Variants in SAMMSON observed in about 807,000 individuals in gnomAD.
SAMMSON encodes long intergenic non-protein coding RNA 1212.
At chr3:70,167,468 A>T (rs946806415) in intron 4 of SAMMSON, among the ~76,000 whole-genome samples, 1 of 152,032 alleles carries the variant, frequency 6.6e-6, no homozygotes, top group Non-Finnish European at 1.5e-5. Context: ...GTAACATAAT[A>T]TATATTTTCA....
intron 4 of SAMMSON, among the ~76,000 whole-genome samples, chr3:70,197,966 A>G (rs1208919553): frequency 6.6e-6 from 1 of 152,130 alleles, no homozygotes; most frequent in Non-Finnish European, 1.5e-5. Flanking sequence ...TTTCTAGCCA[A>G]ACAGCTGTGA....
chr3:70,012,344 G>C (rs1362924484), intron 1 of SAMMSON: 1 of 149,492 alleles, frequency 6.7e-6, no homozygotes, highest in African/African-American at 2.5e-5. Flanking sequence ...TTTTTTTTTT[G>C]TTGATTATCC....
intron 2 of SAMMSON, among the ~76,000 whole-genome samples, chr3:70,429,978 C>T (rs1701401024): frequency 6.6e-6 from 1 of 152,140 alleles, no homozygotes; most frequent in South Asian, 2.1e-4. Context: ...TGCCTGATTG[C>T]CCTGGCCAGA....
intron 3 of SAMMSON, among the ~76,000 whole-genome samples, chr3:70,029,762 A>T (rs1275721404): frequency 6.6e-6 from 1 of 152,090 alleles, no homozygotes; most frequent in African/African-American, 2.4e-5. Flanking sequence ...CAAAAAAAAA[A>T]AAAAAAAGCC....
At chr3:70,041,910 C>A (rs2067107760) in intron 3 of SAMMSON, among the ~76,000 whole-genome samples, 1 of 152,000 alleles carries the variant, frequency 6.6e-6, no homozygotes, top group African/African-American at 2.4e-5. Flanking sequence ...ATAGGATGAA[C>A]AAAAATTGTT....
At chr3:70,111,804 T>C (rs2067390641) in intron 4 of SAMMSON, among the ~76,000 whole-genome samples, 1 of 151,880 alleles carries the variant, frequency 6.6e-6, no homozygotes, top group African/African-American at 2.4e-5. Context: ...AATGGATAGG[T>C]CAAATAGCAG....
rs540750080 is a variant in SAMMSON, at chr3:70,124,746, C to T, written n.507+53181C>T. Among the ~76,000 whole-genome samples, 20 of 128,538 alleles carry T rather than the reference C, an allele frequency of 1.6e-4. No individual in the cohort carries two copies. The East Asian group carries it at 5.2e-3, about 34-fold the overall frequency. 84.3% of individuals were successfully genotyped at this position (128,538 alleles called of 152,430 possible). A position where few individuals can be genotyped will look rare whatever the true frequency, so the allele number is the denominator to read the frequency against. The stretch of plus-strand genomic sequence containing the variant: ...AGGAGAATGGCGTGAACCCGGGAGG[C>T]AGAGCTTGCAGTGAGTCAAGATCGT... On this transcript the variant is annotated intron_variant and non_coding_transcript_variant, in intron 4 of 9. Transcript: ENST00000642114.
rs531194288 is a variant in SAMMSON at position 70,102,504 on chromosome 3, T to C, written n.507+30939T>C. Among the ~76,000 whole-genome samples, 11 of 152,306 alleles carry C rather than the reference T, an allele frequency of 7.2e-5. No homozygotes were observed. The East Asian group carries it at 1.3e-3, about 19-fold the overall frequency. On this transcript the variant is annotated intron_variant and non_coding_transcript_variant, in intron 4 of 9. Coordinates refer to ENST00000642114, the Ensembl canonical transcript of SAMMSON. Reference sequence around the variant, plus strand: ...ACTTCGTAGTTGAATGGAAAGACCATTGGAGGAGCATCTCTAGTCTCCAGT... The same window carrying C: ...ACTTCGTAGTTGAATGGAAAGACCACTGGAGGAGCATCTCTAGTCTCCAGT...
chr3:70,408,125 C>A (rs1186417133), intron 2 of SAMMSON, among the ~76,000 whole-genome samples: 5 of 152,194 alleles, frequency 3.3e-5, no homozygotes, highest in Non-Finnish European at 7.3e-5. Flanking sequence ...GCACCAAGTC[C>A]CTAGGCTGCA....
At chr3:70,400,607 C>T (rs1399127318) in intron 2 of SAMMSON, among the ~76,000 whole-genome samples, 1 of 152,106 alleles carries the variant, frequency 6.6e-6, no homozygotes, top group African/African-American at 2.4e-5. Flanking sequence ...TATAGCAATA[C>T]TAAATGGACT....
chr3:70,193,924 G>T (rs908085823), intron 4 of SAMMSON, among the ~76,000 whole-genome samples: 4 of 151,980 alleles, frequency 2.6e-5, no homozygotes, highest in South Asian at 4.1e-4. Flanking sequence ...TCTCTGCCTG[G>T]ATGTTTTCTT....
At chr3:70,123,620 G>C (rs991346598) in intron 4 of SAMMSON, among the ~76,000 whole-genome samples, 2 of 152,208 alleles carry the variant, frequency 1.3e-5, no homozygotes, top group African/African-American at 4.8e-5. Flanking sequence ...CCCTGACCAG[G>C]TGATTATGGC....
chr3:70,391,405 AT>A (rs1701047235), downstream of SAMMSON, among the ~76,000 whole-genome samples: 1 of 152,002 alleles, frequency 6.6e-6, no homozygotes, highest in Admixed American at 6.6e-5. Flanking sequence ...TTTCAGGTTC[AT>A]TTCATGTTGG....
intron 4 of SAMMSON, chr3:70,183,672 A>T (rs1302848655): frequency 6.6e-6 from 1 of 152,210 alleles, no homozygotes; most frequent in Non-Finnish European, 1.5e-5. Context: ...GTGACAGAAA[A>T]GTAGCGCCAG....
intron 4 of SAMMSON, among the ~76,000 whole-genome samples, chr3:70,240,299 C>T (rs1403717082): frequency 6.6e-6 from 1 of 151,582 alleles, no homozygotes; most frequent in Non-Finnish European, 1.5e-5. Flanking sequence ...GGAAAAAAAA[C>T]AGTAGCTAAG....
At chr3:70,367,345 A>C (rs1702930519) in intron 9 of SAMMSON, among the ~76,000 whole-genome samples, 1 of 151,616 alleles carries the variant, frequency 6.6e-6, no homozygotes, top group African/African-American at 2.4e-5. Context: ...AGCCTCTGGT[A>C]ACTATCATTC....
chr3:70,368,855 AT>A (rs1378700783), intron 9 of SAMMSON, among the ~76,000 whole-genome samples: 2 of 151,536 alleles, frequency 1.3e-5, no homozygotes, highest in African/African-American at 2.4e-5. Context: ...GGTAATTTGC[AT>A]TTCTGTATGA....
At chr3:70,390,023 G>C (rs942217473), downstream of SAMMSON, among the ~76,000 whole-genome samples, 10 of 152,014 alleles carry the variant, frequency 6.6e-5, no homozygotes, top group African/African-American at 2.4e-4. Context: ...CAAGGTGGTA[G>C]AAATAACATC....
intron 9 of SAMMSON, among the ~76,000 whole-genome samples, chr3:70,374,124 G>A (rs961715671): frequency 6.6e-6 from 1 of 152,148 alleles, no homozygotes; most frequent in Non-Finnish European, 1.5e-5. Flanking sequence ...ATGTTGGTCA[G>A]GCTGGTCTCA....
Sources: allele counts gnomAD v4.1 joint callset (sites outside exome capture counted in the v4.1 genomes callset), GRCh38; gene constraint gnomAD v4.1.1; transcripts MANE v1.5; gene names NCBI Gene and HGNC (gene_info 2026-07-23, HGNC 2026-07-21).